DOCK2: variants seen among roughly 807,000 people sequenced by gnomAD.
DOCK2 encodes the protein dedicator of cytokinesis protein 2.
Under a neutral mutation model 248.9 loss-of-function variants are expected in DOCK2, and 87 were observed. That is an observed-to-expected ratio of 0.35 (90% CI 0.29 to 0.42). The LOEUF (loss-of-function observed/expected upper bound fraction) is 0.42, where lower values mean the gene tolerates loss of function less well. Ranked by LOEUF, DOCK2 falls within the 10% of genes least tolerant of loss-of-function variation. The pLI, the probability that DOCK2 is intolerant of heterozygous loss-of-function variation, is 1.00. For missense variants in DOCK2, 1,747 were observed against 2,300.2 expected, an observed-to-expected ratio of 0.76 and a Z score of 4.92; for synonymous variants, 805 against 821.6, an observed-to-expected ratio of 0.98 and a Z score of 0.35.
At chr5:170,006,935 C>T (rs1266353264) in intron 30 of DOCK2, among the ~76,000 whole-genome samples, 2 of 152,216 alleles carry the variant, frequency 1.3e-5, no homozygotes, top group Admixed American at 6.5e-5. Context: ...AAATACTCAA[C>T]CTCTCCAAGC....
At chr5:169,778,499 C>A (rs1355094069) in intron 25 of DOCK2, among the ~76,000 whole-genome samples, 1 of 152,142 alleles carries the variant, frequency 6.6e-6, no homozygotes, top group Non-Finnish European at 1.5e-5. Flanking sequence ...ATTGTAGGCA[C>A]AAAAGTCAGG....
chr5:170,055,457 G>A (rs1312016015), intron 42 of DOCK2, 71 bp downstream of exon 42: 4 of 1,398,816 alleles, frequency 2.9e-6, no homozygotes, highest in Non-Finnish European at 4.1e-6. Context: ...CTGAGCTGGT[G>A]GCAGAACAGA....
chr5:170,050,871 CT>C (rs1756889683), intron 41 of DOCK2, among the ~76,000 whole-genome samples: 1 of 152,200 alleles, frequency 6.6e-6, no homozygotes, highest in South Asian at 2.1e-4. Context: ...ATATTGAATA[CT>C]CTCAAGCCCT....
chr5:170,012,053 G>C (rs1271135086), intron 32 of DOCK2, among the ~76,000 whole-genome samples: 1 of 152,178 alleles, frequency 6.6e-6, no homozygotes, highest in Non-Finnish European at 1.5e-5. Flanking sequence ...AAAGTTGCCA[G>C]ACGAGGCCAA....
intron 27 of DOCK2, among the ~76,000 whole-genome samples, chr5:169,961,660 G>C (rs2113745941): frequency 6.6e-6 from 1 of 152,108 alleles, no homozygotes; most frequent in South Asian, 2.1e-4. Context: ...TGCTAAGAAG[G>C]ACAAGTATAA....
intron 26 of DOCK2, among the ~76,000 whole-genome samples, chr5:169,815,998 G>T (rs1012119083): frequency 4.6e-5 from 7 of 152,146 alleles, no homozygotes; most frequent in African/African-American, 1.7e-4. Flanking sequence ...GCAGCCACTT[G>T]GTTTCCAAAA....
rs778630019 is a variant in DOCK2, at chr5:169,996,197, C to G, written c.3072+33C>G. 2.5e-6 allele frequency: 4 copies of G among 1,603,340 alleles called. No individual in the cohort carries two copies. In the Admixed American group the frequency reaches 6.8e-5, roughly 27 times the overall value. ...TAAGCCACCAGAGCTACCCTTGGAG[C>G]TGCCCAGGGCGTCTCTGACATTCTG... On this transcript the variant is annotated intron_variant, in intron 30 of 51. Coordinates refer to ENST00000520908, the MANE Select transcript of DOCK2 (RefSeq NM_004946.3).
chr5:170,076,153 C>T (rs1757832247), intron 47 of DOCK2, 69 bp downstream of exon 47: 4 of 1,562,740 alleles, frequency 2.6e-6, no homozygotes, highest in Non-Finnish European at 1.7e-6. Context: ...ATGCTGGAGG[C>T]TGAAGTTGGA....
intron 25 of DOCK2, among the ~76,000 whole-genome samples, chr5:169,791,208 CT>C (rs1369338983): frequency 6.6e-6 from 1 of 152,192 alleles, no homozygotes; most frequent in Non-Finnish European, 1.5e-5. Flanking sequence ...GGAGACATGA[CT>C]TGATTGAGAT....
chr5:169,669,308 A>G lies in DOCK2; in HGVS notation c.148A>G (p.Ile50Val), dbSNP rs200852440. Residue 50 changes from isoleucine to valine, a missense_variant, in exon 3 of 52, where the codon ATA (isoleucine) becomes GTA (valine). Transcript: ENST00000520908. ...TCGDWYRGYLIKHKMLQGIFP... is the reference protein window; with the variant it reads ...TCGDWYRGYLVKHKMLQGIFP... Reference sequence around the variant, plus strand: ...TGCAGACTGGTATAGGGGATACCTCATAAAGCACAAAATGTTACAGGTAAG... The same window carrying G: ...TGCAGACTGGTATAGGGGATACCTCGTAAAGCACAAAATGTTACAGGTAAG... 1.2e-6 allele frequency: 2 copies of G among 1,614,032 alleles called. No homozygotes were observed. Among genetic ancestry groups the G allele is most frequent in the Admixed American group, 1.7e-5 (1 of 60,002 alleles).
intron 34 of DOCK2, among the ~76,000 whole-genome samples, chr5:170,032,057 C>G (rs1339737511): frequency 6.7e-6 from 1 of 149,198 alleles, no homozygotes; most frequent in Non-Finnish European, 1.5e-5. Context: ...GACGGAGTCT[C>G]GCTCTGTCGC....
At chr5:169,656,095 G>A (rs1758095260) in intron 2 of DOCK2, among the ~76,000 whole-genome samples, 1 of 152,166 alleles carries the variant, frequency 6.6e-6, no homozygotes, top group African/African-American at 2.4e-5. Flanking sequence ...CCTGCTCACA[G>A]CATAACCCTA....
At chr5:169,646,073 G>C (rs1757443390) in intron 1 of DOCK2, among the ~76,000 whole-genome samples, 1 of 152,122 alleles carries the variant, frequency 6.6e-6, no homozygotes, top group Non-Finnish European at 1.5e-5. Flanking sequence ...TATGGTTTGG[G>C]ATTTTACATT....
chr5:169,684,039 C>A (rs73798750), intron 7 of DOCK2, among the ~76,000 whole-genome samples, 157 bp from the exon 8 acceptor site: 3 of 152,120 alleles, frequency 2.0e-5, no homozygotes, highest in Non-Finnish European at 4.4e-5. Flanking sequence ...AGAGTCAAAG[C>A]GAATTGATTC....
At chr5:169,807,194 T>C (rs1767430295) in intron 26 of DOCK2, among the ~76,000 whole-genome samples, 1 of 151,912 alleles carries the variant, frequency 6.6e-6, no homozygotes, top group South Asian at 2.1e-4. Context: ...AATGAAAAGG[T>C]GATGATTACC....
intron 22 of DOCK2, among the ~76,000 whole-genome samples, chr5:169,743,102 A>G (rs1316205982): frequency 1.3e-5 from 2 of 152,260 alleles, no homozygotes; most frequent in African/African-American, 4.8e-5. Flanking sequence ...CTTGACTTCA[A>G]GGCCACATCT....
At chr5:169,729,511 A>G (rs567209071) in intron 22 of DOCK2, among the ~76,000 whole-genome samples, 1 of 152,290 alleles carries the variant, frequency 6.6e-6, no homozygotes, top group South Asian at 2.1e-4. Context: ...AGAGACATAT[A>G]GCCTGCTACA....
intron 27 of DOCK2, among the ~76,000 whole-genome samples, chr5:169,849,148 G>A (rs1478902307): frequency 6.6e-6 from 1 of 152,134 alleles, no homozygotes; most frequent in Non-Finnish European, 1.5e-5. Flanking sequence ...CAGCACCCCT[G>A]TACCTTGTTG....
intron 23 of DOCK2, among the ~76,000 whole-genome samples, chr5:169,755,934 C>T (rs1342527560): frequency 1.3e-5 from 2 of 152,136 alleles, no homozygotes; most frequent in East Asian, 3.8e-4. Flanking sequence ...CAGGGCAAGA[C>T]CATAGACAGA....
Sources: allele counts gnomAD v4.1 joint callset (sites outside exome capture counted in the v4.1 genomes callset), GRCh38; gene constraint gnomAD v4.1.1; transcripts MANE v1.5; gene names NCBI Gene and HGNC (gene_info 2026-07-23, HGNC 2026-07-21).